ALDH1A2: variants seen among roughly 807,000 people sequenced by gnomAD.
ALDH1A2 encodes aldehyde dehydrogenase 1 family member A2, also known as retinal dehydrogenase 2.
ALDH1A2 carries 27 observed loss-of-function variants against 60.3 expected under a neutral mutation model. That is an observed-to-expected ratio of 0.45 (90% CI 0.33 to 0.62). The LOEUF (loss-of-function observed/expected upper bound fraction) is 0.62. Ranked by LOEUF, ALDH1A2 falls within the 20% of genes least tolerant of loss-of-function variation. The probability of loss-of-function intolerance (pLI) is 0.02; values close to 1 mark genes in which losing one functional copy is unlikely to be tolerated. For missense variants in ALDH1A2, 581 were observed against 643.8 expected (o/e 0.90, Z 1.06); for synonymous variants, 289 against 232.4 (o/e 1.24, Z -2.21).
At position 57,991,629 on chromosome 15, in the gene ALDH1A2, T is replaced by C. The variant is rs535648519; in HGVS notation, c.798+1076A>G. The C allele has an allele frequency of 5.9e-5, 9 of 152,322 alleles. No homozygotes were observed. In the East Asian group the frequency reaches 1.7e-3, roughly 29 times the overall value. 9.4% of individuals were successfully genotyped at this position (152,322 alleles called of 1,614,324 possible). A position where few individuals can be genotyped will look rare whatever the true frequency, so the allele number is the denominator to read the frequency against. On this transcript the variant is annotated intron_variant, in intron 7 of 12. Transcript: ENST00000249750. ...AAAACACATACCATATTTCAAAGAA[T>C]GCATATGAAAAAGAATGCAAAATAT...
intron 12 of ALDH1A2, among the ~76,000 whole-genome samples, chr15:57,957,395 T>C (rs115916235): frequency 6.6e-6 from 1 of 152,164 alleles, no homozygotes; most frequent in Non-Finnish European, 1.5e-5. Flanking sequence ...GAGAGACAGA[T>C]GGTCATGTGG....
intron 7 of ALDH1A2, chr15:57,980,231 C>G (rs1272655628): frequency 2.7e-5 from 9 of 335,520 alleles, no homozygotes; most frequent in African/African-American, 1.9e-4. Flanking sequence ...AATGTCCACC[C>G]CGCTCTGCGG....
At chr15:57,981,001 C>T (rs1360134358) in intron 7 of ALDH1A2, among the ~76,000 whole-genome samples, 10 of 152,112 alleles carry the variant, frequency 6.6e-5, no homozygotes, top group African/African-American at 2.4e-4. Flanking sequence ...CAACTTCTTC[C>T]TGGTTTAGTC....
intron 7 of ALDH1A2, among the ~76,000 whole-genome samples, chr15:57,983,457 A>G (rs1335864012): frequency 6.6e-6 from 1 of 152,220 alleles, no homozygotes; most frequent in African/African-American, 2.4e-5. Flanking sequence ...AAAGGAAGAC[A>G]GCCTTAAATT....
At chr15:57,986,865 G>C (rs983285891) in intron 7 of ALDH1A2, among the ~76,000 whole-genome samples, 3 of 151,932 alleles carry the variant, frequency 2.0e-5, no homozygotes, top group Non-Finnish European at 4.4e-5. Flanking sequence ...ATGTTGGCCG[G>C]GTTGGTCTCG....
At chr15:57,962,702 T>C (rs1893764634) in intron 9 of ALDH1A2, among the ~76,000 whole-genome samples, 1 of 150,822 alleles carries the variant, frequency 6.6e-6, no homozygotes, top group African/African-American at 2.5e-5. Context: ...AGCTTCCTAG[T>C]CCAAAAAAAA....
chr15:58,029,350 A>G (rs926982725), intron 1 of ALDH1A2, among the ~76,000 whole-genome samples: 3 of 152,214 alleles, frequency 2.0e-5, no homozygotes, highest in African/African-American at 7.2e-5. Flanking sequence ...AACCAATGAG[A>G]ACAAAGACAC....
intron 1 of ALDH1A2, among the ~76,000 whole-genome samples, chr15:58,055,943 T>C (rs1490959489): frequency 2.0e-5 from 3 of 152,130 alleles, no homozygotes; most frequent in African/African-American, 7.2e-5. Context: ...TACCTATCCA[T>C]GTTTTCTCCA....
chr15:58,035,166 T>A (rs771857159), intron 1 of ALDH1A2, among the ~76,000 whole-genome samples: 3 of 151,646 alleles, frequency 2.0e-5, no homozygotes, highest in Non-Finnish European at 3.0e-5. Context: ...ATATTTCTCT[T>A]TGAGTTTTGG....
At chr15:57,987,801 C>A (rs746319867) in intron 7 of ALDH1A2, among the ~76,000 whole-genome samples, 1 of 150,090 alleles carries the variant, frequency 6.7e-6, no homozygotes, top group Non-Finnish European at 1.5e-5. Flanking sequence ...AGGAGAATGG[C>A]GCAAACCTGG....
intron 1 of ALDH1A2, among the ~76,000 whole-genome samples, chr15:58,024,705 T>C (rs1896028348): frequency 2.0e-5 from 3 of 152,294 alleles, no homozygotes; most frequent in South Asian, 4.1e-4. Context: ...TTACACCAAA[T>C]AGACCTAACA....
rs1328292799 is a variant in ALDH1A2, at chr15:57,955,174, C to T, written c.*23G>A. On this transcript the variant is annotated 3_prime_UTR_variant, in exon 13 of 13. Transcript: ENST00000249750. ...GAGAGGGACAGACGTGCAGGCTGGG[C>T]TTCATCCTCCTTCTTGGCCTTCTTA... is the stretch of plus-strand genomic sequence containing the variant. 1 of 1,610,668 alleles carries T rather than the reference C, an allele frequency of 6.2e-7. No individual in the cohort carries two copies. The highest frequency in any genetic ancestry group is 8.5e-7 in the Non-Finnish European group (1 of 1,176,854).
At chr15:57,976,030 A>C (rs1332939406) in intron 7 of ALDH1A2, among the ~76,000 whole-genome samples, 1 of 152,240 alleles carries the variant, frequency 6.6e-6, no homozygotes, top group African/African-American at 2.4e-5. Flanking sequence ...GGTACATTAA[A>C]CAAAAATATT....
intron 1 of ALDH1A2, among the ~76,000 whole-genome samples, chr15:58,058,704 T>C (rs953122712): frequency 2.6e-5 from 4 of 152,124 alleles, no homozygotes; most frequent in Admixed American, 6.5e-5. Context: ...TCCACAGTTG[T>C]AGTGATAAAG....
At chr15:57,967,539 ACT>A (rs1301198550) in intron 7 of ALDH1A2, among the ~76,000 whole-genome samples, 1 of 151,980 alleles carries the variant, frequency 6.6e-6, no homozygotes, top group Non-Finnish European at 1.5e-5. Context: ...CACCGGGGAA[ACT>A]CCAACTTCCC....
chr15:58,021,489 G>A (rs552961346), intron 1 of ALDH1A2, among the ~76,000 whole-genome samples: 4 of 152,138 alleles, frequency 2.6e-5, no homozygotes, highest in Non-Finnish European at 5.9e-5. Context: ...CCCCACCGTG[G>A]AATTGTGCAA....
rs556971742 is a variant in ALDH1A2, at chr15:58,055,865, A to G, written c.117+9669T>C. ...TCTCTTCACTAACAGGATGAAGTAT[A>G]TTATTCTTGAATAATGTAGAGTTAT... On this transcript the variant is annotated intron_variant, in intron 1 of 12. Transcript: ENST00000249750. 9.2e-5 allele frequency among the ~76,000 whole-genome samples: 14 copies of G among 151,994 alleles called. No individual in the cohort carries two copies. In the East Asian group the frequency reaches 2.1e-3, roughly 23 times the overall value.
intron 4 of ALDH1A2, among the ~76,000 whole-genome samples, chr15:58,007,904 C>A (rs985688349): frequency 2.0e-5 from 3 of 151,772 alleles, no homozygotes; most frequent in African/African-American, 7.3e-5. Context: ...AATTTGAGAA[C>A]AAGTGAATAA....
At chr15:58,020,176 G>A (rs1243250428) in intron 1 of ALDH1A2, among the ~76,000 whole-genome samples, 4 of 152,184 alleles carry the variant, frequency 2.6e-5, no homozygotes, top group African/African-American at 9.7e-5. Context: ...TTGTATGGCT[G>A]CATAGTATTC....
Sources: gnomAD v4.1 joint callset for allele counts (sites outside exome capture counted in the v4.1 genomes callset) on GRCh38, gnomAD v4.1.1 for gene constraint, MANE v1.5 for transcripts, NCBI Gene and HGNC (gene_info 2026-07-23, HGNC 2026-07-21) for gene names.